Variants in PPEF2 observed in about 807,000 individuals in gnomAD.
PPEF2 encodes protein phosphatase with EF-hand domain 2.
A neutral mutation model predicts 84.7 loss-of-function variants in PPEF2; 84 were observed. The observed-to-expected ratio is 0.99, with a 90% CI of 0.83 to 1.19. The LOEUF (loss-of-function observed/expected upper bound fraction) is 1.19, where lower values mean the gene tolerates loss of function less well. PPEF2 is among the 50% of genes most tolerant of loss of function. The pLI is 0.00. For missense variants in PPEF2, 924 were observed against 937.5 expected, an observed-to-expected ratio of 0.99 and a Z score of 0.19; for synonymous variants, 346 against 345.2, an observed-to-expected ratio of 1.00 and a Z score of -0.03.
At position 75,890,460 on chromosome 4, in the gene PPEF2, GCC is replaced by G. The variant is rs1724849992; in HGVS notation, c.242-330_242-329del. The stretch of plus-strand genomic sequence containing the variant: ...GCAGAGATGATACTACTGCACTCCA[GCC>G]TGAACGATAGAGTGAGACCCTGTCT... On this transcript the variant is annotated intron_variant, in intron 4 of 16. Transcript: ENST00000286719. Among the ~76,000 whole-genome samples the G allele has an allele frequency of 1.1e-4, 15 of 140,192 alleles. No homozygotes were observed. The Admixed American group carries it at 1.1e-3, about 10-fold the overall frequency. 92.0% of individuals were successfully genotyped at this position (140,192 alleles called of 152,430 possible). A position where few individuals can be genotyped will look rare whatever the true frequency, so the allele number is the denominator to read the frequency against.
At chr4:75,900,413 A>G (rs994829337) in intron 1 of PPEF2, among the ~76,000 whole-genome samples, 1 of 152,232 alleles carries the variant, frequency 6.6e-6, no homozygotes, top group Non-Finnish European at 1.5e-5. Context: ...GAAGTCTCCC[A>G]TTAGGTAGTT....
rs140029551 is a variant in PPEF2 at position 75,876,444 on chromosome 4, C to A, written c.1163G>T (p.Arg388Leu). ...SGSLDGRELSRQVRSSVELEL... is the reference protein window; with the variant it reads ...SGSLDGRELSLQVRSSVELEL... ...CAGTTCCACGGAGCTCCGCACCTGC[C>A]GGGAGAGCTCCCGCCCGTCCAGGGA... Residue 388 changes from arginine to leucine, a missense_variant, in exon 11 of 17, where the codon CGG (arginine) becomes CTG (leucine). By Grantham distance (102) the Arg-to-Leu change is moderately radical. Coordinates refer to ENST00000286719, the MANE Select transcript of PPEF2 (RefSeq NM_006239.3). The A allele has an allele frequency of 1.9e-6, 3 of 1,614,102 alleles. No individual in the cohort carries two copies. Among genetic ancestry groups the A allele is most frequent in the South Asian group, 2.2e-5 (2 of 91,074 alleles).
chr4:75,885,203 A>C (rs1288106739), intron 7 of PPEF2, among the ~76,000 whole-genome samples: 2 of 152,212 alleles, frequency 1.3e-5, no homozygotes, highest in Non-Finnish European at 2.9e-5. Flanking sequence ...CTCCCTTGCT[A>C]TATGTTCTAC....
chr4:75,877,247 G>C (rs1274262833), intron 10 of PPEF2, among the ~76,000 whole-genome samples: 1 of 151,872 alleles, frequency 6.6e-6, no homozygotes, highest in Non-Finnish European at 1.5e-5. Flanking sequence ...TGAGGCAGGG[G>C]AATTGCTTGA....
chr4:75,884,043 G>T (rs1200445752), intron 8 of PPEF2, among the ~76,000 whole-genome samples: 1 of 152,144 alleles, frequency 6.6e-6, no homozygotes, highest in African/African-American at 2.4e-5. Context: ...AGAGGCAGGA[G>T]AATCGCTTGA....
chr4:75,873,459 A>G, intron 11 of PPEF2, 147 bp from the exon 12 acceptor site: 1 of 814,052 alleles, frequency 1.2e-6, no homozygotes, highest in Non-Finnish European at 1.9e-6. Flanking sequence ...ACATACATTT[A>G]TATTTTGGAC....
chr4:75,873,092 A>G, intron 12 of PPEF2, 35 bp downstream of exon 12: 1 of 1,581,672 alleles, frequency 6.3e-7, no homozygotes, highest in African/African-American at 1.3e-5. Flanking sequence ...CTTTGGTGAC[A>G]CACAAGCCTG....
At chr4:75,895,316 C>G (rs2149229771) in intron 2 of PPEF2, among the ~76,000 whole-genome samples, 1 of 152,100 alleles carries the variant, frequency 6.6e-6, no homozygotes, top group East Asian at 1.9e-4. Context: ...GTAATCCCAG[C>G]TACTTGGGAG....
chr4:75,885,359 G>A (rs1165328284), intron 7 of PPEF2, among the ~76,000 whole-genome samples: 1 of 151,996 alleles, frequency 6.6e-6, no homozygotes, highest in Admixed American at 6.6e-5. Flanking sequence ...ATGTTGCCCA[G>A]GCTGACCTCA....
chr4:75,882,399 G>T (rs1229455497), intron 10 of PPEF2, among the ~76,000 whole-genome samples: 2 of 152,146 alleles, frequency 1.3e-5, no homozygotes, highest in East Asian at 3.8e-4. Context: ...GGCAATAATT[G>T]AGAGGTAGTA....
At chr4:75,890,180 C>T in intron 4 of PPEF2, 48 bp from the exon 5 acceptor site, 1 of 1,588,590 alleles carries the variant, frequency 6.3e-7, no homozygotes, top group Non-Finnish European at 8.6e-7. Context: ...TCTGATCATG[C>T]AGTCTGTGGG....
chr4:75,890,782 T>A (rs1724858693), intron 4 of PPEF2, among the ~76,000 whole-genome samples: 1 of 152,204 alleles, frequency 6.6e-6, no homozygotes, highest in African/African-American at 2.4e-5. Flanking sequence ...AACAGGTGCA[T>A]CAGACCTGGC....
chr4:75,886,229 C>G (rs1724718849), intron 7 of PPEF2, among the ~76,000 whole-genome samples: 2 of 152,162 alleles, frequency 1.3e-5, no homozygotes, highest in African/African-American at 4.8e-5. Flanking sequence ...GGCAGCGCTG[C>G]AGGGCCTCAG....
intron 11 of PPEF2, among the ~76,000 whole-genome samples, chr4:75,875,083 T>A (rs1336154760): frequency 6.6e-6 from 1 of 151,916 alleles, no homozygotes; most frequent in Non-Finnish European, 1.5e-5. Context: ...TTTTTGTATT[T>A]TTAGTAGAGA....
chr4:75,883,523 A>T (rs185553306), intron 8 of PPEF2: 96 of 263,666 alleles, frequency 3.6e-4, no homozygotes, highest in African/African-American at 2.0e-3. Flanking sequence ...TGTGTAAATT[A>T]AAAAAAAAAT....
At chr4:75,899,701 A>C (rs1383575869) in intron 1 of PPEF2, among the ~76,000 whole-genome samples, 1 of 152,200 alleles carries the variant, frequency 6.6e-6, no homozygotes, top group African/African-American at 2.4e-5. Context: ...TTTGTGTGCA[A>C]AATGGTTCCT....
intron 16 of PPEF2, among the ~76,000 whole-genome samples, chr4:75,861,328 A>G (rs1469061277): frequency 6.6e-6 from 1 of 151,924 alleles, no homozygotes; most frequent in Non-Finnish European, 1.5e-5. Flanking sequence ...ACATATCCTA[A>G]TTTATTCTGG....
intron 12 of PPEF2, among the ~76,000 whole-genome samples, chr4:75,872,613 C>T (rs565637646): frequency 1.3e-4 from 20 of 152,222 alleles, no homozygotes; most frequent in African/African-American, 3.1e-4. Context: ...ACAGTCAATA[C>T]GTTGGGAAAT....
chr4:75,893,071 A>T (rs1029593038), intron 2 of PPEF2, among the ~76,000 whole-genome samples: 1 of 152,242 alleles, frequency 6.6e-6, no homozygotes, highest in Non-Finnish European at 1.5e-5. Flanking sequence ...AGAAGCTGGG[A>T]GGAACTTAAA....
Sources: gnomAD v4.1 joint callset for allele counts (sites outside exome capture counted in the v4.1 genomes callset) on GRCh38, gnomAD v4.1.1 for gene constraint, MANE v1.5 for transcripts, NCBI Gene and HGNC (gene_info 2026-07-23, HGNC 2026-07-21) for gene names.